RP1: variants seen among roughly 807,000 people sequenced by gnomAD.
The protein encoded by RP1 is RP1 axonemal microtubule associated.
A neutral mutation model predicts 14.8 loss-of-function variants in RP1; 16 were observed. That is an observed-to-expected ratio of 1.08 (90% CI 0.73 to 1.65). The LOEUF (loss-of-function observed/expected upper bound fraction) is 1.65. Ranked by LOEUF, RP1 falls within the 40% of genes most tolerant of loss-of-function variation. RP1 has a pLI of 0.00. For missense variants in RP1, 2,631 were observed against 2,535.0 expected (o/e 1.04, Z -0.81); for synonymous variants, 876 against 883.6 (o/e 0.99, Z 0.15).
intron 24 of RP1, among the ~76,000 whole-genome samples, chr8:54,828,078 C>T (rs1377358311): frequency 6.6e-6 from 1 of 152,182 alleles, no homozygotes; most frequent in Non-Finnish European, 1.5e-5. Context: ...ATGGAGCTGT[C>T]ATCTCCTATG....
At chr8:54,663,177 A>G (rs2129329632) in intron 6 of RP1, among the ~76,000 whole-genome samples, 1 of 152,110 alleles carries the variant, frequency 6.6e-6, no homozygotes, top group East Asian at 1.9e-4. Flanking sequence ...CCTGTGCATC[A>G]CTTAGTAGCC....
intron 19 of RP1, among the ~76,000 whole-genome samples, chr8:54,745,363 T>C (rs1809196596): frequency 6.6e-6 from 1 of 152,228 alleles, no homozygotes; most frequent in South Asian, 2.1e-4. Context: ...AATTCTAACA[T>C]GTTAATTCAG....
At chr8:54,656,360 G>A (rs1027627555) in intron 6 of RP1, 19 of 785,408 alleles carry the variant, frequency 2.4e-5, no homozygotes, top group Admixed American at 3.5e-5. Flanking sequence ...TGTGGCAGCT[G>A]CATCTAAATG....
chr8:54,848,129 C>T (rs550485054), intron 25 of RP1, among the ~76,000 whole-genome samples: 3 of 152,210 alleles, frequency 2.0e-5, no homozygotes, highest in Non-Finnish European at 4.4e-5. Context: ...TTTCTCCATG[C>T]CTCACCTATG....
At chr8:54,663,200 G>T (rs1239140676) in intron 6 of RP1, among the ~76,000 whole-genome samples, 1 of 152,062 alleles carries the variant, frequency 6.6e-6, no homozygotes, top group African/African-American at 2.4e-5. Context: ...CATGCTTATT[G>T]TATCGACTGT....
rs1188164990 is a variant in RP1 at position 54,629,224 on chromosome 8, G to A, written c.5342G>A (p.Ser1781Asn). 3 of 1,613,974 alleles carry A rather than the reference G, an allele frequency of 1.9e-6. No homozygotes were observed. Among genetic ancestry groups the A allele is most frequent in the Non-Finnish European group, 2.5e-6 (3 of 1,179,980 alleles). The change falls in exon 4 of 4, where the codon AGT becomes AAT. Residue 1781 changes from serine to asparagine, a missense_variant. Ser to Asn is a conservative substitution (Grantham distance 46). Coordinates refer to ENST00000220676, the MANE Select transcript of RP1 (RefSeq NM_006269.2). ...GACACCCTACTTGATAATAACAGCAGTGAGGTACCATATTCACATTTTGGT... is the reference window on the plus strand; with the variant it reads ...GACACCCTACTTGATAATAACAGCAATGAGGTACCATATTCACATTTTGGT... The part of the protein sequence containing the change: ...SVDTLLDNNS[S>N]EVPYSHFGNL...
At chr8:54,773,224 T>C (rs1024941197), downstream of RP1, among the ~76,000 whole-genome samples, 1 of 152,156 alleles carries the variant, frequency 6.6e-6, no homozygotes, top group African/African-American at 2.4e-5. Context: ...TTTATTATTA[T>C]TATTAATATG....
At chr8:54,673,911 A>G (rs1197285047) in exon 8 of RP1, 1 of 1,535,804 alleles carries the variant, frequency 6.5e-7, no homozygotes, top group African/African-American at 1.4e-5. Context: ...GTGATAGGCC[A>G]TGATGGACTT....
intron 24 of RP1, among the ~76,000 whole-genome samples, chr8:54,820,723 A>C (rs1224413167): frequency 1.3e-5 from 2 of 152,118 alleles, no homozygotes; most frequent in Non-Finnish European, 2.9e-5. Flanking sequence ...ATATGATCTT[A>C]AAACCAGGTA....
In RP1 at chr8:54,627,181, A is replaced by G; in HGVS notation, c.3299A>G (p.Lys1100Arg). 1 of 1,614,076 alleles carries G rather than the reference A, an allele frequency of 6.2e-7. No homozygotes were observed. The highest frequency in any genetic ancestry group is 8.5e-7 in the Non-Finnish European group (1 of 1,179,984). ...QLQASVPGIH[K>R]TQNGVVQMPG... ...CAAGCTTCAGTTCCTGGTATTCACAAGACTCAGAATGGAGTTGTTCAAATG... is the reference window on the plus strand; with the variant it reads ...CAAGCTTCAGTTCCTGGTATTCACAGGACTCAGAATGGAGTTGTTCAAATG... Residue 1100 changes from lysine to arginine, a missense_variant, in exon 4 of 4, where the codon AAG (lysine) becomes AGG (arginine). Coordinates refer to ENST00000220676, the MANE Select transcript of RP1 (RefSeq NM_006269.2).
chr8:54,566,951 G>A (rs1804422642), intron 1 of RP1, among the ~76,000 whole-genome samples: 1 of 152,112 alleles, frequency 6.6e-6, no homozygotes, highest in Non-Finnish European at 1.5e-5. Context: ...CAGGCAGTGA[G>A]GTGAGCCACG....
At chr8:54,732,939 T>A (rs1179724343) in intron 17 of RP1, among the ~76,000 whole-genome samples, 1 of 152,194 alleles carries the variant, frequency 6.6e-6, no homozygotes, top group African/African-American at 2.4e-5. Flanking sequence ...GGCAAGTCAC[T>A]TCACTTCTGA....
At chr8:54,644,707 G>A (rs535583137) in intron 3 of RP1, among the ~76,000 whole-genome samples, 1 of 151,948 alleles carries the variant, frequency 6.6e-6, no homozygotes, top group African/African-American at 2.4e-5. Context: ...CAGTTTCCTG[G>A]GACTGCTATA....
intron 12 of RP1, among the ~76,000 whole-genome samples, chr8:54,688,140 C>T (rs1001158691): frequency 2.0e-5 from 3 of 152,050 alleles, no homozygotes; most frequent in Non-Finnish European, 2.9e-5. Flanking sequence ...ATATCCTTGG[C>T]CCATTTTTTG....
intron 6 of RP1, among the ~76,000 whole-genome samples, chr8:54,658,402 A>AT (rs1267672626): frequency 5.3e-5 from 8 of 150,950 alleles, no homozygotes; most frequent in Non-Finnish European, 1.0e-4. Context: ...ATACAAAAAA[A>AT]TAGCCGGGCG....
chr8:54,816,823 T>C (rs1443058437), intron 24 of RP1, among the ~76,000 whole-genome samples: 1 of 152,168 alleles, frequency 6.6e-6, no homozygotes, highest in Non-Finnish European at 1.5e-5. Context: ...ATCCATTCTG[T>C]GCTTCCCCCA....
intron 23 of RP1, chr8:54,781,136 C>T (rs1810175593): frequency 3.6e-6 from 2 of 557,874 alleles, no homozygotes; most frequent in Admixed American, 6.4e-5. Context: ...AAAGACATTG[C>T]TATAGTATCT....
intron 1 of RP1, among the ~76,000 whole-genome samples, chr8:54,587,092 T>A (rs1220464914): frequency 6.6e-6 from 1 of 152,196 alleles, no homozygotes; most frequent in African/African-American, 2.4e-5. Context: ...TTGCTCATGC[T>A]GGGAGCTATA....
chr8:54,670,573 GTATGTA>G (rs1240351195), intron 7 of RP1, among the ~76,000 whole-genome samples: 1 of 133,198 alleles, frequency 7.5e-6, no homozygotes, highest in African/African-American at 2.8e-5. Context: ...ACATATATAT[GTATGTA>G]TATGTATATA....
Sources: allele counts gnomAD v4.1 joint callset (sites outside exome capture counted in the v4.1 genomes callset), GRCh38; gene constraint gnomAD v4.1.1; transcripts MANE v1.5; gene names NCBI Gene and HGNC (gene_info 2026-07-23, HGNC 2026-07-21).